The following PKD2 variants were observed in gnomAD, a reference collection of about 807,000 sequenced individuals.
PKD2 encodes the protein polycystin-2.
PKD2 carries 48 observed loss-of-function variants against 105.9 expected under a neutral mutation model. The ratio of observed to expected loss-of-function variants is 0.45; its 90% CI spans 0.36 to 0.58. The LOEUF (loss-of-function observed/expected upper bound fraction) is 0.58. PKD2 is among the 20% of genes least tolerant of loss of function. PKD2 has a pLI of 0.00. For synonymous variants in PKD2, 464 were observed against 481.1 expected (o/e 0.96, Z 0.46); for missense variants, 1,078 against 1,255.3 (o/e 0.86, Z 2.13).
chr4:88,054,855 CG>C (rs1204223940), intron 7 of PKD2, among the ~76,000 whole-genome samples: 4 of 151,584 alleles, frequency 2.6e-5, no homozygotes, highest in African/African-American at 9.7e-5. Context: ...GGGGTTTCAC[CG>C]TGTTAGCCAG....
At chr4:88,066,154 A>C (rs900119116) in intron 12 of PKD2, among the ~76,000 whole-genome samples, 1 of 152,212 alleles carries the variant, frequency 6.6e-6, no homozygotes, top group African/African-American at 2.4e-5. Flanking sequence ...AATGAAGCTT[A>C]AAAATGCATT....
At chr4:88,023,889 A>T (rs921828207) in intron 2 of PKD2, among the ~76,000 whole-genome samples, 6 of 152,186 alleles carry the variant, frequency 3.9e-5, no homozygotes, top group Middle Eastern at 3.2e-3. Flanking sequence ...GCTCACCAAG[A>T]GCTTATTTTC....
rs374036200 is a variant in PKD2, at chr4:88,022,179, C to T, written c.709+2608C>T. On this transcript the variant is annotated intron_variant, in intron 2 of 14. Coordinates refer to ENST00000237596, the MANE Select transcript of PKD2 (RefSeq NM_000297.4). ...GCTAGCCTGGGACCATAGTGGAGGA[C>T]TCCTCTTTCAACCCTGTTAAATTTC... is the stretch of plus-strand genomic sequence containing the variant. Among the ~76,000 whole-genome samples, 33 of 152,334 alleles carry T rather than the reference C, an allele frequency of 2.2e-4. No individual in the cohort carries two copies. In the South Asian group the frequency reaches 6.6e-3, roughly 31 times the overall value.
chr4:88,033,641 T>C (rs1358033919), intron 2 of PKD2, among the ~76,000 whole-genome samples: 3 of 152,016 alleles, frequency 2.0e-5, no homozygotes, highest in Non-Finnish European at 2.9e-5. Context: ...AATTTTCAAT[T>C]TACATACTTA....
At position 88,038,296 on chromosome 4, in the gene PKD2, C is replaced by T; in HGVS notation, c.889C>T (p.Pro297Ser). The T allele has an allele frequency of 6.2e-7, 1 of 1,613,742 alleles. No individual in the cohort carries two copies. ...GGATGGGCTGTACTGGAAGATGCAG[C>T]CCAGCAACCAGACTGAAGCTGACAA... ...LLDGLYWKMQ[P>S]SNQTEADNRS... The change falls in exon 4 of 15, where the codon CCC (proline) becomes TCC (serine). Residue 297 changes from proline (P) to serine (S), a missense_variant. Transcript: ENST00000237596.
chr4:88,015,075 T>C (rs944885152), intron 1 of PKD2, among the ~76,000 whole-genome samples: 1 of 152,194 alleles, frequency 6.6e-6, no homozygotes, highest in African/African-American at 2.4e-5. Context: ...GTATTTCAGA[T>C]GGGGAAGGTT....
In PKD2 at chr4:88,056,173, A is replaced by C. The variant is rs763864486; in HGVS notation, c.1804A>C (p.Ile602Leu). Residue 602 changes from isoleucine (I) to leucine (L), a missense_variant, in exon 8 of 15, where the codon ATT (isoleucine) becomes CTT (leucine). This residue lies in a region of PKD2 where 868 missense variants were observed against 1,067.3 expected (regional missense o/e 0.81). Transcript: ENST00000237596. ...TGCCAAAGACCTGTTTGGCTTTGCT[A>C]TTATGTTCTTCATTATTTTCCTAGC... Reference protein sequence around the residue: ...RCAKDLFGFAIMFFIIFLAYA... With the variant: ...RCAKDLFGFALMFFIIFLAYA... 2.5e-6 allele frequency: 4 copies of C among 1,613,642 alleles called. No individual in the cohort carries two copies. The Admixed American group carries it at 6.7e-5, about 27-fold the overall frequency.
intron 2 of PKD2, among the ~76,000 whole-genome samples, chr4:88,025,797 ATAGT>A (rs1461161018): frequency 5.3e-5 from 8 of 152,114 alleles, no homozygotes; most frequent in South Asian, 2.1e-4. Flanking sequence ...TGTTCTCATG[ATAGT>A]GAGTGAGTTC....
chr4:88,008,064 G>A lies in PKD2; in HGVS notation c.331G>A (p.Val111Met), dbSNP rs1726241184. ...EEVEGEEGGM[V>M]VEMDVEWRPG... ...GGTGGAAGGGGAAGAAGGCGGAATGGTGGTGGAGATGGACGTAGAGTGGCG... is the reference window on the plus strand; with the variant it reads ...GGTGGAAGGGGAAGAAGGCGGAATGATGGTGGAGATGGACGTAGAGTGGCG... The change falls in exon 1 of 15, where the codon GTG becomes ATG. Residue 111 changes from valine to methionine, a missense_variant. Around this residue, in one of 2 missense-constraint regions of PKD2, gnomAD observed 210 missense variants for 187.9 expected, o/e 1.12. Transcript: ENST00000237596. 2 of 1,521,770 alleles carry A rather than the reference G, an allele frequency of 1.3e-6. No individual in the cohort carries two copies. The highest frequency in any genetic ancestry group is 1.8e-6 in the Non-Finnish European group (2 of 1,139,752). 94.3% of individuals were successfully genotyped at this position (1,521,770 alleles called of 1,614,324 possible). A position where few individuals can be genotyped will look rare whatever the true frequency, so the allele number is the denominator to read the frequency against.
chr4:88,041,271 G>A (rs1727554893), intron 4 of PKD2, among the ~76,000 whole-genome samples: 2 of 152,068 alleles, frequency 1.3e-5, no homozygotes, highest in Non-Finnish European at 1.5e-5. Flanking sequence ...CTGTGGTTAC[G>A]ACACTCTCTC....
At chr4:88,016,016 G>A (rs557224875) in intron 1 of PKD2, among the ~76,000 whole-genome samples, 138 of 152,304 alleles carry the variant, frequency 9.1e-4, no homozygotes, top group African/African-American at 3.1e-3. Context: ...GCATTAGTGA[G>A]ATTCTCATAA....
chr4:88,060,214 T>C (rs888235020), intron 9 of PKD2, among the ~76,000 whole-genome samples: 2 of 152,114 alleles, frequency 1.3e-5, no homozygotes, highest in East Asian at 3.8e-4. Context: ...GATCCCTGAG[T>C]TGGAAGAGAG....
chr4:88,014,144 A>C (rs956829337), intron 1 of PKD2, among the ~76,000 whole-genome samples: 1 of 152,146 alleles, frequency 6.6e-6, no homozygotes, highest in Admixed American at 6.5e-5. Context: ...TGTGGAACCA[A>C]CTCCATGGGA....
intron 10 of PKD2, among the ~76,000 whole-genome samples, chr4:88,064,176 T>C (rs538945407): frequency 1.3e-5 from 2 of 152,106 alleles, no homozygotes; most frequent in South Asian, 2.1e-4. Flanking sequence ...AAGAAAAATA[T>C]GTTGGAAGCT....
At position 88,007,755 on chromosome 4, in the gene PKD2, C is replaced by T. The variant is rs766216683; in HGVS notation, c.22C>T (p.Gln8Ter). 8.4e-6 allele frequency: 10 copies of T among 1,197,568 alleles called. No individual in the cohort carries two copies. The highest frequency in any genetic ancestry group is 4.5e-5 in the South Asian group (2 of 44,122). The allele number at this position is 1,197,568 out of a possible 1,614,324, so 74.2% of individuals were successfully genotyped here. The change falls in exon 1 of 15, where the codon CAG becomes TAG. Residue 8 changes from glutamine (Q) to a stop codon, truncating the protein, a stop_gained. Transcript: ENST00000237596. LOFTEE classifies it high-confidence loss of function. MVNSSRV[Q>*]PQQPGDAKRP... ...CGCGATGGTGAACTCCAGTCGCGTG[C>T]AGCCTCAGCAGCCCGGGGACGCCAA...
At chr4:88,047,075 T>C (rs1172203396) in intron 6 of PKD2, among the ~76,000 whole-genome samples, 1 of 152,242 alleles carries the variant, frequency 6.6e-6, no homozygotes, top group Non-Finnish European at 1.5e-5. Context: ...GTATTTACAG[T>C]ATGCTCTCAG....
In PKD2 at chr4:88,051,851, CT is replaced by C. The variant is rs1310226735; in HGVS notation, c.1549-136del. The C allele has an allele frequency of 3.1e-4, 188 of 601,406 alleles. 1 individual carries two copies. Among genetic ancestry groups the C allele is most frequent in the Non-Finnish European group, 8.7e-5 (29 of 335,098 alleles). 37.3% of individuals were successfully genotyped at this position (601,406 alleles called of 1,614,324 possible). A position where few individuals can be genotyped will look rare whatever the true frequency, so the allele number is the denominator to read the frequency against. Reference sequence around the variant, plus strand: ...TAACACTTTCCATTTGAGTGAGTGACTTTTAAGAATGACATCGGGTAAGTAT... The same window carrying C: ...TAACACTTTCCATTTGAGTGAGTGACTTTAAGAATGACATCGGGTAAGTAT... On this transcript the variant is annotated intron_variant, in intron 6 of 14. Transcript: ENST00000237596.
At chr4:88,065,569 C>A in intron 11 of PKD2, 74 bp downstream of exon 11, 2 of 1,470,068 alleles carry the variant, frequency 1.4e-6, no homozygotes, top group Non-Finnish European at 9.5e-7. Flanking sequence ...AAGAGTATTT[C>A]TAGCCCAAGG....
chr4:88,029,801 A>ACGAAGAGAGAATTGTATGAATGAAGGCT, intron 2 of PKD2, among the ~76,000 whole-genome samples: 1 of 152,334 alleles, frequency 6.6e-6, no homozygotes, highest in African/African-American at 2.4e-5. Flanking sequence ...AACGAGTCAG[A>ACGAAGAGAGAATTGTATGAATGAAGGCT]CGAAGAGAGA....
Sources: gnomAD v4.1 joint callset for allele counts (sites outside exome capture counted in the v4.1 genomes callset) on GRCh38, gnomAD v4.1.1 for gene constraint, gnomAD v4.1.1 regional missense constraint, MANE v1.5 for transcripts, NCBI Gene and HGNC (gene_info 2026-07-23, HGNC 2026-07-21) for gene names.